Variants in SAMD5 observed in about 807,000 individuals in gnomAD.
SAMD5 encodes the protein sterile alpha motif domain containing 5, also known as sterile alpha motif domain-containing protein 5.
A neutral mutation model predicts 11.3 loss-of-function variants in SAMD5; 13 were observed. That is an observed-to-expected ratio of 1.15 (90% CI 0.75 to 1.83). The LOEUF is 1.83. Among genes scored for constraint, SAMD5 ranks in the 40% most tolerant of loss-of-function variants. The probability of loss-of-function intolerance (pLI) is 0.00; values close to 1 mark genes in which losing one functional copy is unlikely to be tolerated. For synonymous variants in SAMD5, 129 were observed against 111.3 expected (o/e 1.16, Z -1.00); for missense variants, 255 against 239.1 (o/e 1.07, Z -0.44).
chr6:147,773,706 C>A, the SAMD5 span, among the ~76,000 whole-genome samples: 1 of 152,120 alleles, frequency 6.6e-6, no homozygotes, highest in Non-Finnish European at 1.5e-5. Context: ...GACCTAATCA[C>A]CTCTCAAATG....
intron 1 of SAMD5, among the ~76,000 whole-genome samples, chr6:147,514,271 G>T: frequency 6.6e-6 from 1 of 152,008 alleles, no homozygotes; most frequent in East Asian, 1.9e-4. Flanking sequence ...AAGGGGTCCG[G>T]AGACTGGGAC....
intron 1 of SAMD5, among the ~76,000 whole-genome samples, chr6:147,683,277 G>A (rs1288812000): frequency 6.6e-6 from 1 of 152,218 alleles, no homozygotes; most frequent in East Asian, 1.9e-4. Context: ...ACACATAGGT[G>A]AGAGAGTTGC....
intron 1 of SAMD5, among the ~76,000 whole-genome samples, chr6:147,698,857 T>C (rs1791214936): frequency 6.6e-6 from 1 of 152,096 alleles, no homozygotes; most frequent in African/African-American, 2.4e-5. Context: ...ACTTGGAGGC[T>C]GAGAATGGAA....
At chr6:147,863,380 C>A in the SAMD5 span, among the ~76,000 whole-genome samples, 1 of 152,216 alleles carries the variant, frequency 6.6e-6, no homozygotes, top group South Asian at 2.1e-4. Context: ...TATAACTGTG[C>A]CCTGATTTGT....
the SAMD5 span, among the ~76,000 whole-genome samples, chr6:147,830,088 T>C: frequency 6.6e-6 from 1 of 151,928 alleles, no homozygotes; most frequent in Non-Finnish European, 1.5e-5. Context: ...AAGAGATCTC[T>C]TGGGTTAGAA....
At chr6:147,654,755 T>C (rs143701197) in intron 1 of SAMD5, among the ~76,000 whole-genome samples, 2 of 146,636 alleles carry the variant, frequency 1.4e-5, no homozygotes, top group African/African-American at 5.0e-5. Context: ...ATTTTATGCC[T>C]GGATGGTTTG....
chr6:147,611,616 A>G (rs545265901), intron 1 of SAMD5, among the ~76,000 whole-genome samples: 3 of 152,276 alleles, frequency 2.0e-5, no homozygotes, highest in African/African-American at 7.2e-5. Flanking sequence ...GTGAGGGACA[A>G]CCACTGTGAC....
the SAMD5 span, among the ~76,000 whole-genome samples, chr6:147,752,854 A>C: frequency 6.6e-6 from 1 of 152,220 alleles, no homozygotes; most frequent in African/African-American, 2.4e-5. Context: ...GAAAAGAAAT[A>C]TGTTAGAAGC....
the SAMD5 span, among the ~76,000 whole-genome samples, chr6:147,947,030 T>G: frequency 1.3e-5 from 2 of 152,166 alleles, no homozygotes; most frequent in African/African-American, 4.8e-5. Flanking sequence ...AAACTGAGGA[T>G]GGTTGAGGTC....
chr6:147,945,643 G>A, the SAMD5 span, among the ~76,000 whole-genome samples: 1 of 152,168 alleles, frequency 6.6e-6, no homozygotes, highest in Non-Finnish European at 1.5e-5. Flanking sequence ...TGTATATGAG[G>A]TGGATGTTGT....
the SAMD5 span, among the ~76,000 whole-genome samples, chr6:147,842,874 A>AT: frequency 6.6e-6 from 1 of 152,056 alleles, no homozygotes; most frequent in African/African-American, 2.4e-5. Context: ...AATATCACAA[A>AT]TTTTTTTTAG....
At chr6:147,915,233 G>A in the SAMD5 span, among the ~76,000 whole-genome samples, 8 of 152,144 alleles carry the variant, frequency 5.3e-5, no homozygotes, top group Non-Finnish European at 8.8e-5. Context: ...GAAGTACCTA[G>A]GAGAAATGGG....
At chr6:147,835,016 G>A in the SAMD5 span, among the ~76,000 whole-genome samples, 2 of 152,062 alleles carry the variant, frequency 1.3e-5, no homozygotes, top group African/African-American at 4.8e-5. Flanking sequence ...ATCACTTGAG[G>A]TCAGGAGTTC....
the SAMD5 span, among the ~76,000 whole-genome samples, chr6:147,842,697 G>A: frequency 6.6e-6 from 1 of 152,078 alleles, no homozygotes; most frequent in Non-Finnish European, 1.5e-5. Context: ...AGGCAAATAA[G>A]CCCAGTAGTA....
the SAMD5 span, among the ~76,000 whole-genome samples, chr6:147,897,943 TAAAAAAAAAAAAAAA>T: frequency 1.5e-4 from 13 of 89,602 alleles, no homozygotes; most frequent in East Asian, 1.5e-3. Flanking sequence ...AGATTTTTCT[TAAAAAAAAAAAAAAA>T]AAAAAAAAAA....
the SAMD5 span, among the ~76,000 whole-genome samples, chr6:147,762,971 T>C: frequency 6.6e-6 from 1 of 152,266 alleles, no homozygotes; most frequent in African/African-American, 2.4e-5. Flanking sequence ...AAATTGGGAA[T>C]CATAGCTACC....
chr6:147,643,037 A>ATT (rs1240173129), intron 1 of SAMD5, among the ~76,000 whole-genome samples: 4 of 152,166 alleles, frequency 2.6e-5, no homozygotes. Flanking sequence ...CTGTAATAAC[A>ATT]ATTTTATTCA....
chr6:147,803,229 T>C, the SAMD5 span, among the ~76,000 whole-genome samples: 1 of 151,386 alleles, frequency 6.6e-6, no homozygotes, highest in Non-Finnish European at 1.5e-5. Flanking sequence ...TTATGTAGAT[T>C]GTATATGTTT....
chr6:147,936,408 G>C, the SAMD5 span, among the ~76,000 whole-genome samples: 1 of 150,944 alleles, frequency 6.6e-6, no homozygotes, highest in Non-Finnish European at 1.5e-5. Flanking sequence ...GGGGGAGCAG[G>C]CACATCACAT....
Sources: allele counts gnomAD v4.1 joint callset (sites outside exome capture counted in the v4.1 genomes callset), GRCh38; gene constraint gnomAD v4.1.1; transcripts MANE v1.5; gene names NCBI Gene and HGNC (gene_info 2026-07-23, HGNC 2026-07-21).